The following RBFOX1 variants were observed in gnomAD, a reference collection of about 807,000 sequenced individuals.
RBFOX1 encodes the protein RNA binding protein fox-1 homolog 1.
RBFOX1 carries 8 observed loss-of-function variants against 57.7 expected under a neutral mutation model. The observed-to-expected ratio is 0.14, with a 90% CI of 0.08 to 0.25. The LOEUF (loss-of-function observed/expected upper bound fraction) is 0.25. Ranked by LOEUF, RBFOX1 falls within the 10% of genes least tolerant of loss-of-function variation. The pLI is 1.00. For missense variants in RBFOX1, 611 were observed against 548.5 expected (o/e 1.11, Z -1.14); for synonymous variants, 326 against 222.4 (o/e 1.47, Z -4.15).
intron 3 of RBFOX1, among the ~76,000 whole-genome samples, chr16:7,020,335 C>T (rs182017089): frequency 0.013 from 1,956 of 152,166 alleles, 20 homozygotes; most frequent in Non-Finnish European, 0.019. Context: ...AAGTGATTCT[C>T]CTGCCTCAGC....
chr16:6,587,277 T>C (rs2097641751), intron 2 of RBFOX1, among the ~76,000 whole-genome samples: 1 of 137,590 alleles, frequency 7.3e-6, no homozygotes, highest in South Asian at 2.6e-4. Context: ...TACAGTATTT[T>C]TCTGAGTTTG....
intron 3 of RBFOX1, among the ~76,000 whole-genome samples, chr16:5,702,698 A>C (rs533896575): frequency 1.3e-5 from 2 of 152,194 alleles, no homozygotes; most frequent in African/African-American, 4.8e-5. Flanking sequence ...CCCATCTGTA[A>C]AATGGGGTTC....
intron 4 of RBFOX1, among the ~76,000 whole-genome samples, chr16:5,978,702 T>G (rs1026721274): frequency 1.3e-5 from 2 of 152,002 alleles, no homozygotes; most frequent in South Asian, 2.1e-4. Flanking sequence ...TGTTGTTGTT[T>G]TTTTAAATGA....
At chr16:7,567,389 C>T (rs1229795776) in intron 5 of RBFOX1, among the ~76,000 whole-genome samples, 8 of 129,174 alleles carry the variant, frequency 6.2e-5, no homozygotes, top group Admixed American at 3.3e-4. Context: ...CTATGTATGG[C>T]CCTATATATA....
At chr16:7,098,226 G>C (rs554969371) in intron 4 of RBFOX1, among the ~76,000 whole-genome samples, 1 of 152,198 alleles carries the variant, frequency 6.6e-6, no homozygotes, top group African/African-American at 2.4e-5. Context: ...CTAGAGTGCA[G>C]TGGCACGATC....
chr16:5,775,725 A>G (rs2054125845), intron 3 of RBFOX1, among the ~76,000 whole-genome samples: 1 of 152,218 alleles, frequency 6.6e-6, no homozygotes, highest in Non-Finnish European at 1.5e-5. Flanking sequence ...GAGCCTGCTA[A>G]CTTGTTGGAA....
chr16:5,332,748 A>G (rs1206768779), intron 1 of RBFOX1, among the ~76,000 whole-genome samples: 3 of 151,638 alleles, frequency 2.0e-5, no homozygotes, highest in Non-Finnish European at 4.4e-5. Flanking sequence ...TTGTAACAAG[A>G]GAAATCAAAG....
chr16:6,548,448 G>A (rs753722267), intron 2 of RBFOX1, among the ~76,000 whole-genome samples: 1 of 152,116 alleles, frequency 6.6e-6, no homozygotes, highest in Non-Finnish European at 1.5e-5. Flanking sequence ...AACCAGCATA[G>A]AATTAGAATG....
chr16:6,961,145 C>CACA (rs142889433), intron 3 of RBFOX1, among the ~76,000 whole-genome samples: 16 of 143,766 alleles, frequency 1.1e-4, no homozygotes, highest in Non-Finnish European at 1.7e-4. Flanking sequence ...TCACACACAC[C>CACA]CACACAGACA....
intron 2 of RBFOX1, among the ~76,000 whole-genome samples, chr16:5,541,075 C>G (rs1264242116): frequency 1.3e-5 from 2 of 152,178 alleles, no homozygotes; most frequent in East Asian, 3.9e-4. Flanking sequence ...ATCTCGAACC[C>G]CTGGCCTCAA....
chr16:7,218,730 GTT>G (rs33997681), intron 4 of RBFOX1, among the ~76,000 whole-genome samples: 34 of 140,748 alleles, frequency 2.4e-4, no homozygotes, highest in South Asian at 1.4e-3. Flanking sequence ...ATCTTAAAGT[GTT>G]TTTTTTTTTT....
chr16:5,867,224 C>T (rs1291406697), intron 3 of RBFOX1: 2 of 976,144 alleles, frequency 2.0e-6, no homozygotes. Flanking sequence ...TTATTGATGC[C>T]AGTTCCTTTA....
chr16:5,581,143 G>GCTTTCTTGGACTC (rs2151157960), intron 2 of RBFOX1, among the ~76,000 whole-genome samples: 1 of 152,286 alleles, frequency 6.6e-6, no homozygotes, highest in South Asian at 2.1e-4. Flanking sequence ...AGGGGGCAGG[G>GCTTTCTTGGACTC]CTTTCTTGGA....
At chr16:5,953,310 T>C (rs1304348514) in intron 4 of RBFOX1, among the ~76,000 whole-genome samples, 4 of 152,246 alleles carry the variant, frequency 2.6e-5, no homozygotes, top group African/African-American at 9.6e-5. Flanking sequence ...TTGTAAATAT[T>C]GCATGGGCAT....
At chr16:6,879,267 C>T (rs552461292) in intron 3 of RBFOX1, among the ~76,000 whole-genome samples, 12 of 152,090 alleles carry the variant, frequency 7.9e-5, no homozygotes, top group Non-Finnish European at 1.3e-4. Flanking sequence ...ATTTATTTAT[C>T]AGCCAGTTTT....
intron 3 of RBFOX1, among the ~76,000 whole-genome samples, chr16:5,712,085 T>G (rs535372826): frequency 6.6e-6 from 1 of 152,156 alleles, no homozygotes; most frequent in South Asian, 2.1e-4. Context: ...GAGAGAGAAG[T>G]GAAGGGGGAG....
Position 5,523,456 on chromosome 16 carries a change from A to T in RBFOX1, c.258+56202A>T, listed in dbSNP as rs1360816817. 2.0e-5 allele frequency among the ~76,000 whole-genome samples: 3 copies of T among 150,642 alleles called. No individual in the cohort carries two copies. The South Asian group carries it at 6.2e-4, about 31-fold the overall frequency. On this transcript the variant is annotated intron_variant, in intron 2 of 2. Transcript: ENST00000585867. ...ATGGTGAAACCCTGTCTTTACAAAAAATAAAAAAAATTAGCCAGGTGTGAT... is the reference window on the plus strand; with the variant it reads ...ATGGTGAAACCCTGTCTTTACAAAATATAAAAAAAATTAGCCAGGTGTGAT...
At chr16:7,000,592 C>CTTTTTTTTTTTTTTTTTTTTTTTTTTT (rs1568307066) in intron 3 of RBFOX1, among the ~76,000 whole-genome samples, 1 of 84,054 alleles carries the variant, frequency 1.2e-5, no homozygotes, top group African/African-American at 4.2e-5. Flanking sequence ...CTTTCTTTTT[C>CTTTTTTTTTTTTTTTTTTTTTTTTTTT]TTTCTTTTTT....
intron 3 of RBFOX1, among the ~76,000 whole-genome samples, chr16:5,726,111 G>A (rs1338515099): frequency 1.3e-5 from 2 of 150,594 alleles, no homozygotes; most frequent in South Asian, 2.1e-4. Flanking sequence ...TTTTCTTTGG[G>A]TAGAATGGGT....
Sources: allele counts gnomAD v4.1 joint callset (sites outside exome capture counted in the v4.1 genomes callset), GRCh38; gene constraint gnomAD v4.1.1; transcripts MANE v1.5; gene names NCBI Gene and HGNC (gene_info 2026-07-23, HGNC 2026-07-21).